CD177: variants seen among roughly 807,000 people sequenced by gnomAD.
CD177 encodes CD177 antigen.
A neutral mutation model predicts 38.1 loss-of-function variants in CD177; 41 were observed. That is an observed-to-expected ratio of 1.07 (90% CI 0.84 to 1.39). CD177 has a LOEUF of 1.39. CD177 is among the 40% of genes most tolerant of loss of function. The pLI is 0.00. For missense variants in CD177, 619 were observed against 523.8 expected, an observed-to-expected ratio of 1.18 and a Z score of -1.77; for synonymous variants, 236 against 216.7, an observed-to-expected ratio of 1.09 and a Z score of -0.78.
At position 43,362,525 on chromosome 19, in the gene CD177, G is replaced by C. The variant is rs1195025438; in HGVS notation, c.*205G>C. 4.3e-6 allele frequency: 2 copies of C among 468,760 alleles called. No homozygotes were observed. The highest frequency in any genetic ancestry group is 2.0e-5 in the African/African-American group (1 of 50,880). 29.0% of individuals were successfully genotyped at this position (468,760 alleles called of 1,614,324 possible). A position where few individuals can be genotyped will look rare whatever the true frequency, so the allele number is the denominator to read the frequency against. On this transcript the variant is annotated 3_prime_UTR_variant, in exon 9 of 9. Transcript: ENST00000618265. ...ATCCGGACTTGCCCTATGGGAGAGG[G>C]GACGCTGGAGGAGTGGCTGCATGTA...
downstream of CD177, among the ~76,000 whole-genome samples, chr19:43,363,772 C>A (rs545222682): frequency 1.2e-3 from 187 of 152,266 alleles, 1 homozygote; most frequent in African/African-American, 4.4e-3. Flanking sequence ...CGGCATCCAC[C>A]CTTTCCCTTT....
rs1381306077 is a variant in CD177, at chr19:43,362,954, G to A, written c.*634G>A. 6.6e-6 allele frequency: 1 copy of A among 152,184 alleles called. No homozygotes were observed. The highest frequency in any genetic ancestry group is 2.4e-5 in the African/African-American group (1 of 41,398). 9.4% of individuals were successfully genotyped at this position (152,184 alleles called of 1,614,324 possible). A position where few individuals can be genotyped will look rare whatever the true frequency, so the allele number is the denominator to read the frequency against. The stretch of plus-strand genomic sequence containing the variant: ...TCGTTAGGTGATTTTATGACCATAG[G>A]AACATTGTAGCGTGCACTTACACCA... On this transcript the variant is annotated 3_prime_UTR_variant, in exon 9 of 9. Coordinates refer to ENST00000618265, the MANE Select transcript of CD177 (RefSeq NM_020406.4).
rs546455700 is a variant in CD177, at chr19:43,355,467, C to G, written c.380-194C>G. On this transcript the variant is annotated intron_variant, in intron 3 of 8. Coordinates refer to ENST00000618265, the MANE Select transcript of CD177 (RefSeq NM_020406.4). ...CCTCTACCCAGACCTCCTGTTCATT[C>G]TCCCTTCCTCTTTTATGGATTACAC... 9 of 633,088 alleles carry G rather than the reference C, an allele frequency of 1.4e-5. No individual in the cohort carries two copies. In the East Asian group the frequency reaches 3.0e-4, roughly 21 times the overall value. 39.2% of individuals were successfully genotyped at this position (633,088 alleles called of 1,614,324 possible). A position where few individuals can be genotyped will look rare whatever the true frequency, so the allele number is the denominator to read the frequency against.
chr19:43,361,681 A>T, intron 8 of CD177, 102 bp downstream of exon 8: 4 of 1,191,624 alleles, frequency 3.4e-6, no homozygotes, highest in Non-Finnish European at 4.6e-6. Flanking sequence ...GGTCCGAGGG[A>T]GGAGGCGCTG....
At position 43,362,418 on chromosome 19, in the gene CD177, C is replaced by T; in HGVS notation, c.*98C>T. 1 of 602,202 alleles carries T rather than the reference C, an allele frequency of 1.7e-6. No individual in the cohort carries two copies. The highest frequency in any genetic ancestry group is 2.0e-5 in the South Asian group (1 of 48,890). The allele number at this position is 602,202 out of a possible 1,614,324, so 37.3% of individuals were successfully genotyped here. ...TGGCCTTGGACACCAGATTCTTTCC[C>T]ATTCTGTCCATGAATCATCTTCCCC... is the stretch of plus-strand genomic sequence containing the variant. On this transcript the variant is annotated 3_prime_UTR_variant, in exon 9 of 9. Coordinates refer to ENST00000618265, the MANE Select transcript of CD177 (RefSeq NM_020406.4).
chr19:43,356,045 A>C lies in CD177; in HGVS notation c.556A>C (p.Asn186His). The change falls in exon 5 of 9, where the codon AAC becomes CAC. Residue 186 changes from asparagine to histidine, a missense_variant. Transcript: ENST00000618265. ...GGGATGCATGCCCCAGCCAGTTTGCAACCTGCTCAATGGGACACAGGAAAT... is the reference window on the plus strand; with the variant it reads ...GGGATGCATGCCCCAGCCAGTTTGCCACCTGCTCAATGGGACACAGGAAAT... ...VQGCMPQPVC[N>H]LLNGTQEIGP... 1.5e-6 allele frequency: 1 copy of C among 666,340 alleles called. No homozygotes were observed. 41.3% of individuals were successfully genotyped at this position (666,340 alleles called of 1,614,324 possible). A position where few individuals can be genotyped will look rare whatever the true frequency, so the allele number is the denominator to read the frequency against.
chr19:43,353,976 T>G lies in CD177; in HGVS notation c.176T>G (p.Leu59Trp). 3.7e-6 allele frequency: 6 copies of G among 1,613,756 alleles called. No individual in the cohort carries two copies. The highest frequency in any genetic ancestry group is 5.1e-6 in the Non-Finnish European group (6 of 1,179,802). ...CDSGLGCQDT[L>W]MLIESGPQVS... ...AGCGGCTTGGGGTGCCAGGACACGT[T>G]GATGCTCATTGAGAGCGGTGAGAAG... Residue 59 changes from leucine to tryptophan, a missense_variant, in exon 2 of 9, where the codon TTG (leucine) becomes TGG (tryptophan). By Grantham distance (61) the Leu-to-Trp change is moderately conservative (BLOSUM62 -2). Coordinates refer to ENST00000618265, the MANE Select transcript of CD177 (RefSeq NM_020406.4).
At chr19:43,363,421 GC>G (rs1283607798), downstream of CD177, among the ~76,000 whole-genome samples, 5 of 144,938 alleles carry the variant, frequency 3.4e-5, no homozygotes, top group South Asian at 4.3e-4. Context: ...GACAGAGAGA[GC>G]TGGAGAGAGA....
At chr19:43,364,236 G>A (rs147256853), downstream of CD177, among the ~76,000 whole-genome samples, 41 of 151,952 alleles carry the variant, frequency 2.7e-4, no homozygotes, top group South Asian at 6.2e-4. Context: ...AAGATGGGGA[G>A]GAGATGGCTT....
At chr19:43,354,509 C>A in intron 3 of CD177, 117 bp downstream of exon 3, 2 of 1,030,474 alleles carry the variant, frequency 1.9e-6, no homozygotes, top group Non-Finnish European at 2.9e-6. Context: ...CCCTCGCTGG[C>A]TCCATCCCTC....
rs748683798 is a variant in CD177 at position 43,354,314 on chromosome 19, A to C, written c.301A>C (p.Thr101Pro). 1 of 1,613,296 alleles carries C rather than the reference A, an allele frequency of 6.2e-7. No homozygotes were observed. Among genetic ancestry groups the C allele is most frequent in the African/African-American group, 1.3e-5 (1 of 74,686 alleles). ...CCCCGGCCTCTCCCTGATCTCCTAC[A>C]CCTTCGTGTGCCGCCAGGAGGACTT... The part of the protein sequence containing the change: ...MGPGLSLISY[T>P]FVCRQEDFCN... The change falls in exon 3 of 9, where the codon ACC becomes CCC. Residue 101 changes from threonine (T) to proline (P), a missense_variant. Transcript: ENST00000618265.
intron 3 of CD177, among the ~76,000 whole-genome samples, chr19:43,355,179 T>C (rs1451144792): frequency 6.0e-5 from 8 of 133,152 alleles, no homozygotes; most frequent in African/African-American, 1.4e-4. Context: ...AGTGGCGCAA[T>C]CTCGGCTCAC....
chr19:43,355,182 C>T (rs1599876245), intron 3 of CD177, among the ~76,000 whole-genome samples: 1 of 140,786 alleles, frequency 7.1e-6, no homozygotes, highest in Middle Eastern at 4.0e-3. Flanking sequence ...GGCGCAATCT[C>T]GGCTCACTGC....
chr19:43,362,948 C>T lies in CD177; in HGVS notation c.*628C>T, dbSNP rs1280619654. The stretch of plus-strand genomic sequence containing the variant: ...AATGTGTCGTTAGGTGATTTTATGA[C>T]CATAGGAACATTGTAGCGTGCACTT... On this transcript the variant is annotated 3_prime_UTR_variant, in exon 9 of 9. Coordinates refer to ENST00000618265, the MANE Select transcript of CD177 (RefSeq NM_020406.4). 1.3e-5 allele frequency: 2 copies of T among 152,210 alleles called. No homozygotes were observed. Among genetic ancestry groups the T allele is most frequent in the East Asian group, 3.9e-4 (2 of 5,184 alleles). The allele number at this position is 152,210 out of a possible 1,614,324, so 9.4% of individuals were successfully genotyped here. A position where few individuals can be genotyped will look rare whatever the true frequency, so the allele number is the denominator to read the frequency against.
Position 43,361,129 on chromosome 19 carries a change from C to T in CD177, c.761-14C>T, listed in dbSNP as rs1203983349. On this transcript the variant is annotated splice_polypyrimidine_tract_variant and intron_variant, in intron 6 of 8. Coordinates refer to ENST00000618265, the MANE Select transcript of CD177 (RefSeq NM_020406.4). Reference sequence around the variant, plus strand: ...CTGCCCAGTCCCCAGCCCAGCTTTCCCTCTCACCCTCAGGACTCACATCAA... The same window carrying T: ...CTGCCCAGTCCCCAGCCCAGCTTTCTCTCTCACCCTCAGGACTCACATCAA... The T allele has an allele frequency of 2.8e-6, 4 of 1,425,132 alleles. No homozygotes were observed. The African/African-American group carries it at 4.1e-5, about 15-fold the overall frequency. 88.3% of individuals were successfully genotyped at this position (1,425,132 alleles called of 1,614,324 possible). A position where few individuals can be genotyped will look rare whatever the true frequency, so the allele number is the denominator to read the frequency against.
downstream of CD177, among the ~76,000 whole-genome samples, chr19:43,364,359 G>T (rs758165692): frequency 5.3e-5 from 8 of 152,228 alleles, no homozygotes; most frequent in South Asian, 6.2e-4. Context: ...GATGTTATTT[G>T]TTACCTGCAG....
intron 8 of CD177, 75 bp downstream of exon 8, chr19:43,361,654 T>TG (rs1402429831): frequency 6.9e-7 from 1 of 1,448,678 alleles, no homozygotes; most frequent in African/African-American, 1.4e-5. Flanking sequence ...GAGGAGGGGC[T>TG]GGGGGCCTGG....
chr19:43,364,034 A>G (rs1357369727), downstream of CD177, among the ~76,000 whole-genome samples: 2 of 152,164 alleles, frequency 1.3e-5, no homozygotes, highest in Non-Finnish European at 2.9e-5. Flanking sequence ...GTGAGCCAAG[A>G]CTGCACCACT....
intron 3 of CD177, among the ~76,000 whole-genome samples, chr19:43,355,199 C>T (rs1211639461): frequency 1.3e-5 from 2 of 148,922 alleles, no homozygotes; most frequent in African/African-American, 5.0e-5. Context: ...CTGCAACCTC[C>T]GACTCCCGGG....
Sources: gnomAD v4.1 joint callset for allele counts (sites outside exome capture counted in the v4.1 genomes callset) on GRCh38, gnomAD v4.1.1 for gene constraint, MANE v1.5 for transcripts, NCBI Gene and HGNC (gene_info 2026-07-23, HGNC 2026-07-21) for gene names.